The following TBC1D5 variants were observed in gnomAD, a reference collection of about 807,000 sequenced individuals.
The protein encoded by TBC1D5 is TBC1 domain family, member 5.
Under a neutral mutation model 100.3 loss-of-function variants are expected in TBC1D5, and 75 were observed. The observed-to-expected ratio is 0.75, with a 90% CI of 0.62 to 0.91. The LOEUF (loss-of-function observed/expected upper bound fraction) is 0.91, where lower values mean the gene tolerates loss of function less well. TBC1D5 is among the 40% of genes least tolerant of loss of function. The probability of loss-of-function intolerance (pLI) is 0.00; values close to 1 mark genes in which losing one functional copy is unlikely to be tolerated. For missense variants in TBC1D5, 910 were observed against 942.4 expected, an observed-to-expected ratio of 0.97 and a Z score of 0.45; for synonymous variants, 323 against 325.6, an observed-to-expected ratio of 0.99 and a Z score of 0.09.
chr3:17,249,410 A>G (rs931277726), intron 16 of TBC1D5, among the ~76,000 whole-genome samples: 2 of 152,210 alleles, frequency 1.3e-5, no homozygotes, highest in Non-Finnish European at 1.5e-5. Context: ...TAATTGGCCT[A>G]TCATATGGTT....
At chr3:17,209,706 CTTTG>C (rs1372993685) in intron 18 of TBC1D5, among the ~76,000 whole-genome samples, 4 of 152,192 alleles carry the variant, frequency 2.6e-5, no homozygotes, top group Admixed American at 2.6e-4. Context: ...CCTACACATA[CTTTG>C]TTTTCCTTTG....
intron 1 of TBC1D5, among the ~76,000 whole-genome samples, chr3:17,685,073 G>T (rs1255724971): frequency 6.6e-6 from 1 of 151,848 alleles, no homozygotes; most frequent in Non-Finnish European, 1.5e-5. Context: ...TAAATGATAG[G>T]CTATATCATT....
chr3:17,204,780 T>C (rs1159377792), intron 18 of TBC1D5, among the ~76,000 whole-genome samples: 2 of 152,194 alleles, frequency 1.3e-5, no homozygotes, highest in Non-Finnish European at 2.9e-5. Context: ...AAAAAGTTGG[T>C]TGTAAAACCT....
chr3:17,678,574 T>TCTCTAAAAAAAGTAAAACAACTTTG (rs2068960759), intron 1 of TBC1D5, among the ~76,000 whole-genome samples: 8 of 150,376 alleles, frequency 5.3e-5, no homozygotes, highest in African/African-American at 2.0e-4. Flanking sequence ...CAAATCATTC[T>TCTCTAAAAAAAGTAAAACAACTTTG]GCCCACAATC....
At chr3:17,612,502 C>A (rs962942237) in intron 2 of TBC1D5, among the ~76,000 whole-genome samples, 1 of 151,574 alleles carries the variant, frequency 6.6e-6, no homozygotes, top group Non-Finnish European at 1.5e-5. Flanking sequence ...TGGTGGCATG[C>A]GCCTGTAATC....
At chr3:17,216,079 C>G (rs1158246525) in intron 17 of TBC1D5, among the ~76,000 whole-genome samples, 2 of 152,086 alleles carry the variant, frequency 1.3e-5, no homozygotes, top group Non-Finnish European at 2.9e-5. Flanking sequence ...GAGCTATTAC[C>G]TCTCCCTTGG....
At chr3:17,412,394 T>G (rs915778469) in intron 4 of TBC1D5, among the ~76,000 whole-genome samples, 4 of 152,148 alleles carry the variant, frequency 2.6e-5, no homozygotes, top group Admixed American at 2.6e-4. Flanking sequence ...AATCAAACAT[T>G]AAACAGATTC....
intron 2 of TBC1D5, among the ~76,000 whole-genome samples, chr3:17,555,257 T>C (rs959490143): frequency 6.6e-6 from 1 of 152,192 alleles, no homozygotes; most frequent in Non-Finnish European, 1.5e-5. Context: ...TTTGCCAAAG[T>C]TAAGGAATAC....
Position 17,448,028 on chromosome 3 carries a change from A to G in TBC1D5, c.98-19509T>C, listed in dbSNP as rs150504363. Among the ~76,000 whole-genome samples the G allele has an allele frequency of 5.0e-3, 764 of 152,304 alleles. 4 individuals carry two copies. Among genetic ancestry groups the G allele is most frequent in the Non-Finnish European group, 8.6e-3 (582 of 68,016 alleles). The stretch of plus-strand genomic sequence containing the variant: ...AATTAACTTTGTAGCCAGGAGTGTT[A>G]GTGTGCACCTGTAGTCTCAGTAGCA... On this transcript the variant is annotated intron_variant, in intron 3 of 21. Transcript: ENST00000253692.
intron 2 of TBC1D5, among the ~76,000 whole-genome samples, chr3:17,552,556 A>G (rs919271495): frequency 6.6e-6 from 1 of 152,154 alleles, no homozygotes; most frequent in African/African-American, 2.4e-5. Context: ...GCACTATTCT[A>G]GGCCCTAGGA....
intron 3 of TBC1D5, among the ~76,000 whole-genome samples, chr3:17,455,424 ATGTG>A (rs1452217810): frequency 2.1e-5 from 3 of 145,484 alleles, no homozygotes; most frequent in East Asian, 2.0e-4. Context: ...ATATGTATAT[ATGTG>A]TGTATGTGTG....
intron 13 of TBC1D5, among the ~76,000 whole-genome samples, chr3:17,321,189 T>C (rs2085360187): frequency 6.6e-6 from 1 of 152,178 alleles, no homozygotes; most frequent in South Asian, 2.1e-4. Flanking sequence ...GGCCTCAGGC[T>C]CCTGAGTAGC....
chr3:17,177,516 GGGGTTATGAATATGTTAACA>G (rs995551443), intron 19 of TBC1D5, among the ~76,000 whole-genome samples: 5 of 152,190 alleles, frequency 3.3e-5, no homozygotes, highest in East Asian at 1.9e-4. Context: ...TTTGAAGCAT[GGGGTTATGAATATGTTAACA>G]GGGTTATGAA....
intron 13 of TBC1D5, among the ~76,000 whole-genome samples, chr3:17,351,642 G>A (rs1270894681): frequency 6.6e-6 from 1 of 151,932 alleles, no homozygotes; most frequent in Non-Finnish European, 1.5e-5. Flanking sequence ...GATGGTTGAT[G>A]GGTGCAGCAA....
rs1457515456 is a variant in TBC1D5 at position 17,690,387 on chromosome 3, T to C, written c.-101+48956A>G. ...GCCCGCCACTACGCCCGGCTAATTT[T>C]TTGTATTTTTAGTAGAGACGGGGTT... On this transcript the variant is annotated intron_variant, in intron 1 of 21. Transcript: ENST00000253692. Among the ~76,000 whole-genome samples the C allele has an allele frequency of 2.4e-5, 2 of 83,768 alleles. 1 individual carries two copies. The highest frequency in any genetic ancestry group is 8.1e-5 in the African/African-American group (2 of 24,560). 55.0% of individuals were successfully genotyped at this position (83,768 alleles called of 152,430 possible). A position where few individuals can be genotyped will look rare whatever the true frequency, so the allele number is the denominator to read the frequency against.
chr3:17,308,209 G>A (rs552880655), intron 13 of TBC1D5, 75 bp from the exon 14 acceptor site: 789 of 1,404,058 alleles, frequency 5.6e-4, no homozygotes, highest in Non-Finnish European at 7.1e-4. Context: ...TCAAGTAACT[G>A]TGAAAAACTA....
chr3:17,222,683 A>G (rs565180950), intron 17 of TBC1D5, among the ~76,000 whole-genome samples: 5 of 152,166 alleles, frequency 3.3e-5, no homozygotes, highest in African/African-American at 1.2e-4. Context: ...GAAGTTTTGT[A>G]AATCTTTTAT....
chr3:17,275,818 G>T lies in TBC1D5; in HGVS notation c.1245+16077C>A, dbSNP rs551808548. On this transcript the variant is annotated intron_variant, in intron 15 of 21. Coordinates refer to ENST00000253692, the Ensembl canonical transcript of TBC1D5. The stretch of plus-strand genomic sequence containing the variant: ...TGTGTAATTTCCAGGACCCCAGTAA[G>T]ACTACCCTTACTGTGAAGTAGGTAT... Among the ~76,000 whole-genome samples the T allele has an allele frequency of 2.6e-4, 40 of 152,214 alleles. 2 individuals carry two copies. The South Asian group carries it at 8.1e-3, about 31-fold the overall frequency.
At chr3:17,484,821 C>T (rs1055273188) in intron 3 of TBC1D5, among the ~76,000 whole-genome samples, 4 of 151,966 alleles carry the variant, frequency 2.6e-5, no homozygotes, top group Admixed American at 6.6e-5. Context: ...GACTTCCTTT[C>T]CTTAAGATGA....
Sources: gnomAD v4.1 joint callset for allele counts (sites outside exome capture counted in the v4.1 genomes callset) on GRCh38, gnomAD v4.1.1 for gene constraint, MANE v1.5 for transcripts, NCBI Gene and HGNC (gene_info 2026-07-23, HGNC 2026-07-21) for gene names.